Variants in DLGAP1 observed in about 807,000 individuals in gnomAD.
The protein encoded by DLGAP1 is DLG associated protein 1.
Under a neutral mutation model 90.8 loss-of-function variants are expected in DLGAP1, and 11 were observed. That is an observed-to-expected ratio of 0.12 (90% confidence interval 0.08 to 0.20). The LOEUF (loss-of-function observed/expected upper bound fraction) is 0.20. DLGAP1 is among the 10% of genes least tolerant of loss of function. The probability of loss-of-function intolerance (pLI) is 1.00; values close to 1 mark genes in which losing one functional copy is unlikely to be tolerated. For missense variants in DLGAP1, 1,050 were observed against 1,333.8 expected (o/e 0.79, Z 3.31); for synonymous variants, 558 against 540.7 (o/e 1.03, Z -0.44).
intron 7 of DLGAP1, among the ~76,000 whole-genome samples, chr18:3,692,724 GA>G (rs2060941770): frequency 6.6e-6 from 1 of 152,204 alleles, no homozygotes; most frequent in South Asian, 2.1e-4. Flanking sequence ...CTCCTTGGGA[GA>G]GGGATATTAT....
chr18:3,555,929 GA>G (rs2053725893), intron 9 of DLGAP1, among the ~76,000 whole-genome samples: 1 of 152,044 alleles, frequency 6.6e-6, no homozygotes, highest in Admixed American at 6.5e-5. Context: ...TTTTTTTGAA[GA>G]AAAGGCAGCA....
Position 3,559,697 on chromosome 18 carries a change from A to G in DLGAP1, c.2057+7793T>C, listed in dbSNP as rs141072765. 6.2e-3 allele frequency among the ~76,000 whole-genome samples: 891 copies of G among 143,896 alleles called. 40 individuals are homozygous for G. The East Asian group carries it at 0.094, about 15-fold the overall frequency. The allele number at this position is 143,896 out of a possible 152,430, so 94.4% of individuals were successfully genotyped here. ...GGGTGCAGTGGCACGATCTCAGCTC[A>G]CTGCAACCTCTGCCTCCTGGGTTCA... On this transcript the variant is annotated intron_variant, in intron 9 of 12. Coordinates refer to ENST00000315677, the MANE Select transcript of DLGAP1 (RefSeq NM_004746.4).
At chr18:4,361,655 G>A (rs546888364) in intron 1 of DLGAP1, among the ~76,000 whole-genome samples, 15 of 152,150 alleles carry the variant, frequency 9.9e-5, no homozygotes, top group Admixed American at 7.9e-4. Flanking sequence ...AACCCTTAAC[G>A]ATAAAACAAA....
chr18:4,292,503 T>A (rs1447577440), intron 1 of DLGAP1, among the ~76,000 whole-genome samples: 2 of 152,134 alleles, frequency 1.3e-5, no homozygotes, highest in Non-Finnish European at 2.9e-5. Flanking sequence ...TCTTACAACA[T>A]CACATTTTAA....
chr18:4,310,867 G>A (rs2080381581), intron 1 of DLGAP1, among the ~76,000 whole-genome samples: 1 of 152,212 alleles, frequency 6.6e-6, no homozygotes, highest in African/African-American at 2.4e-5. Context: ...AGCCTCCCTA[G>A]CCCAGTTCTT....
At chr18:4,142,474 T>TA (rs1210311898) in intron 2 of DLGAP1, among the ~76,000 whole-genome samples, 1 of 152,206 alleles carries the variant, frequency 6.6e-6, no homozygotes, top group Non-Finnish European at 1.5e-5. Flanking sequence ...CTCATCTTGA[T>TA]AGTGATAGGT....
At chr18:4,200,961 C>A (rs2077595609) in intron 1 of DLGAP1, among the ~76,000 whole-genome samples, 1 of 152,006 alleles carries the variant, frequency 6.6e-6, no homozygotes, top group Non-Finnish European at 1.5e-5. Context: ...GTTTTATTTC[C>A]ACAACTTCAC....
chr18:3,801,127 A>G (rs2148327378), intron 5 of DLGAP1, among the ~76,000 whole-genome samples: 1 of 152,222 alleles, frequency 6.6e-6, no homozygotes, highest in South Asian at 2.1e-4. Flanking sequence ...GTGAACTCAA[A>G]GTGAGAACCC....
At chr18:4,421,562 T>C (rs373354672) in intron 1 of DLGAP1, among the ~76,000 whole-genome samples, 1 of 152,144 alleles carries the variant, frequency 6.6e-6, no homozygotes, top group Non-Finnish European at 1.5e-5. Context: ...TAAAATAACA[T>C]CCACAGTTCA....
intron 1 of DLGAP1, among the ~76,000 whole-genome samples, chr18:4,304,450 C>T (rs1234575486): frequency 6.6e-6 from 1 of 152,176 alleles, no homozygotes; most frequent in East Asian, 1.9e-4. Context: ...TAGTATTATA[C>T]ACATAATTCA....
intron 7 of DLGAP1, among the ~76,000 whole-genome samples, chr18:3,678,241 C>T (rs1261971098): frequency 6.6e-6 from 1 of 152,178 alleles, no homozygotes; most frequent in Non-Finnish European, 1.5e-5. Context: ...GGATTACAGG[C>T]GTGTGCCAGT....
At chr18:4,267,955 CT>C (rs2079167977) in intron 1 of DLGAP1, among the ~76,000 whole-genome samples, 1 of 152,226 alleles carries the variant, frequency 6.6e-6, no homozygotes, top group South Asian at 2.1e-4. Flanking sequence ...CATACTATCA[CT>C]TCTGCCATAT....
At chr18:3,600,889 T>TAG (rs369714624) in intron 7 of DLGAP1, among the ~76,000 whole-genome samples, 4,002 of 105,094 alleles carry the variant, frequency 0.038, 1,410 homozygotes, top group South Asian at 0.064. Context: ...TAGATAGATA[T>TAG]ATAGATATAT....
chr18:3,858,481 T>C (rs2069796110), intron 4 of DLGAP1, among the ~76,000 whole-genome samples: 1 of 149,242 alleles, frequency 6.7e-6, no homozygotes, highest in Admixed American at 6.7e-5. Context: ...GGGAAACATA[T>C]ATATATATAC....
chr18:4,130,191 T>A (rs773676810), intron 2 of DLGAP1, among the ~76,000 whole-genome samples: 1 of 152,204 alleles, frequency 6.6e-6, no homozygotes, highest in Admixed American at 6.6e-5. Flanking sequence ...AAAAGTTTCA[T>A]GTACTCTAAC....
At chr18:3,984,946 A>G (rs2073812552) in intron 3 of DLGAP1, among the ~76,000 whole-genome samples, 1 of 151,652 alleles carries the variant, frequency 6.6e-6, no homozygotes. Context: ...ACCCATCCCA[A>G]CCATGCCTTG....
At chr18:4,315,660 G>A (rs1011902003) in intron 1 of DLGAP1, among the ~76,000 whole-genome samples, 1 of 152,130 alleles carries the variant, frequency 6.6e-6, no homozygotes. Flanking sequence ...GAAATACAGT[G>A]TTTTGCAAAC....
intron 5 of DLGAP1, among the ~76,000 whole-genome samples, chr18:3,753,015 G>A (rs775368805): frequency 2.6e-5 from 4 of 152,020 alleles, no homozygotes; most frequent in Admixed American, 6.5e-5. Flanking sequence ...TTGTGTCAGC[G>A]CATAAAAATT....
intron 5 of DLGAP1, among the ~76,000 whole-genome samples, chr18:3,798,486 A>C (rs1326446221): frequency 1.3e-5 from 2 of 152,204 alleles, no homozygotes; most frequent in Non-Finnish European, 2.9e-5. Flanking sequence ...TAGGAAAAAA[A>C]CACAGTCCAG....
Sources: gnomAD v4.1 joint callset for allele counts (sites outside exome capture counted in the v4.1 genomes callset) on GRCh38, gnomAD v4.1.1 for gene constraint, MANE v1.5 for transcripts, NCBI Gene and HGNC (gene_info 2026-07-23, HGNC 2026-07-21) for gene names.